Variants in ATRNL1 observed in about 807,000 individuals in gnomAD.
The protein encoded by ATRNL1 is attractin like 1.
In ATRNL1, 95 loss-of-function variants were observed where a neutral mutation model predicts 182.7. The ratio of observed to expected loss-of-function variants is 0.52; its 90% CI spans 0.44 to 0.62. The LOEUF is 0.62. Among genes scored for constraint, ATRNL1 ranks in the 20% least tolerant of loss-of-function variants. ATRNL1 has a pLI of 0.00. For synonymous variants in ATRNL1, 576 were observed against 568.3 expected, an observed-to-expected ratio of 1.01 and a Z score of -0.19; for missense variants, 1,471 against 1,679.5, an observed-to-expected ratio of 0.88 and a Z score of 2.17.
intron 27 of ATRNL1, among the ~76,000 whole-genome samples, chr10:115,822,476 A>C (rs1950325919): frequency 6.6e-6 from 1 of 152,190 alleles, no homozygotes; most frequent in South Asian, 2.1e-4. Context: ...CTTCAAAAAA[A>C]TCAGTGAATC....
chr10:115,421,932 A>G (rs563366951), intron 20 of ATRNL1, among the ~76,000 whole-genome samples: 1 of 152,288 alleles, frequency 6.6e-6, no homozygotes, highest in African/African-American at 2.4e-5. Context: ...GCTGACAAAA[A>G]CAAGTAGTGA....
chr10:115,101,453 C>T (rs1405587775), intron 1 of ATRNL1, among the ~76,000 whole-genome samples: 2 of 151,930 alleles, frequency 1.3e-5, no homozygotes, highest in African/African-American at 4.8e-5. Flanking sequence ...TTTCTGTGCC[C>T]ATTGAGATAA....
chr10:115,657,587 A>G (rs1860404818), intron 26 of ATRNL1, among the ~76,000 whole-genome samples: 1 of 152,178 alleles, frequency 6.6e-6, no homozygotes, highest in Admixed American at 6.5e-5. Context: ...AGACATTTGA[A>G]TGTCATGCAG....
At chr10:115,720,512 T>C (rs1327855288) in intron 26 of ATRNL1, among the ~76,000 whole-genome samples, 1 of 152,220 alleles carries the variant, frequency 6.6e-6, no homozygotes, top group African/African-American at 2.4e-5. Context: ...ATGATGGTGA[T>C]GCTATCAGGT....
intron 9 of ATRNL1, among the ~76,000 whole-genome samples, chr10:115,223,913 G>GTGTATATATATATA (rs71476115): frequency 3.6e-4 from 20 of 55,932 alleles, no homozygotes; most frequent in African/African-American, 1.5e-3. Context: ...GTGTGTGTGT[G>GTGTATATATATATA]TATATATATA....
intron 25 of ATRNL1, among the ~76,000 whole-genome samples, chr10:115,538,956 A>G (rs1251319131): frequency 6.6e-6 from 1 of 152,218 alleles, no homozygotes; most frequent in African/African-American, 2.4e-5. Context: ...ACAGTATTCA[A>G]TACAGTAACA....
intron 15 of ATRNL1, among the ~76,000 whole-genome samples, chr10:115,293,439 T>G (rs1284834423): frequency 6.6e-6 from 1 of 152,166 alleles, no homozygotes; most frequent in Non-Finnish European, 1.5e-5. Flanking sequence ...TGTATATCCT[T>G]TCTATCCTTT....
At chr10:115,860,609 T>A (rs1951293441) in intron 28 of ATRNL1, among the ~76,000 whole-genome samples, 1 of 152,188 alleles carries the variant, frequency 6.6e-6, no homozygotes. Flanking sequence ...AACACAGAGC[T>A]AGGAAGGGCA....
At chr10:115,609,258 G>C (rs905909102) in intron 26 of ATRNL1, among the ~76,000 whole-genome samples, 1 of 152,068 alleles carries the variant, frequency 6.6e-6, no homozygotes, top group Admixed American at 6.6e-5. Context: ...CCCGCACCCT[G>C]CTGACATGAT....
intron 8 of ATRNL1, among the ~76,000 whole-genome samples, chr10:115,187,750 C>T (rs1364523226): frequency 1.5e-5 from 2 of 135,726 alleles, no homozygotes; most frequent in East Asian, 4.6e-4. Flanking sequence ...GGAGTGATCT[C>T]GGCTCACTGC....
At chr10:115,674,513 T>C (rs1162180163) in intron 26 of ATRNL1, among the ~76,000 whole-genome samples, 1 of 152,120 alleles carries the variant, frequency 6.6e-6, no homozygotes, top group Non-Finnish European at 1.5e-5. Context: ...TTATTACACT[T>C]ACTGAGTTCC....
intron 19 of ATRNL1, among the ~76,000 whole-genome samples, chr10:115,370,273 A>G (rs1176213543): frequency 2.0e-5 from 3 of 152,162 alleles, no homozygotes; most frequent in Admixed American, 1.3e-4. Context: ...GTACCAGTAG[A>G]GTGGGGCACT....
chr10:115,405,667 C>A (rs377667117), intron 20 of ATRNL1, among the ~76,000 whole-genome samples: 1 of 151,460 alleles, frequency 6.6e-6, no homozygotes, highest in Admixed American at 6.6e-5. Context: ...ATAATTATAA[C>A]ACACTTCATT....
At chr10:115,575,912 G>T (rs2804181) in intron 26 of ATRNL1, among the ~76,000 whole-genome samples, 4 of 152,038 alleles carry the variant, frequency 2.6e-5, no homozygotes, top group Admixed American at 2.6e-4. Context: ...CTGCCTCTCT[G>T]CCCTTGAAAA....
intron 26 of ATRNL1, among the ~76,000 whole-genome samples, chr10:115,570,539 C>T (rs1166352371): frequency 6.6e-6 from 1 of 152,114 alleles, no homozygotes; most frequent in Non-Finnish European, 1.5e-5. Context: ...GGAGTTTACC[C>T]AGTTATGGCT....
At chr10:115,516,226 C>A (rs113083950) in intron 24 of ATRNL1, among the ~76,000 whole-genome samples, 2 of 151,732 alleles carry the variant, frequency 1.3e-5, no homozygotes, top group African/African-American at 4.8e-5. Flanking sequence ...CTTTTCTATT[C>A]TCAATAAGTA....
intron 8 of ATRNL1, among the ~76,000 whole-genome samples, chr10:115,184,497 G>A (rs541868098): frequency 6.6e-6 from 1 of 151,424 alleles, no homozygotes; most frequent in South Asian, 2.1e-4. Flanking sequence ...TTTTGTGTAA[G>A]GGAAGTAAAA....
chr10:115,685,216 T>TA (rs1946177594), intron 26 of ATRNL1, among the ~76,000 whole-genome samples: 1 of 151,784 alleles, frequency 6.6e-6, no homozygotes, highest in Non-Finnish European at 1.5e-5. Flanking sequence ...TTTGAGATTT[T>TA]AAAAATACCC....
chr10:115,864,113 G>A (rs1201456945), intron 28 of ATRNL1, among the ~76,000 whole-genome samples: 1 of 152,064 alleles, frequency 6.6e-6, no homozygotes, highest in African/African-American at 2.4e-5. Flanking sequence ...ACAAAAATTA[G>A]CCAGCCATGG....
Sources: gnomAD v4.1 joint callset for allele counts (sites outside exome capture counted in the v4.1 genomes callset) on GRCh38, gnomAD v4.1.1 for gene constraint, MANE v1.5 for transcripts, NCBI Gene and HGNC (gene_info 2026-07-23, HGNC 2026-07-21) for gene names.